NOVA2: variants seen among roughly 807,000 people sequenced by gnomAD.
NOVA2 encodes NOVA alternative splicing regulator 2, also known as RNA-binding protein Nova-2.
A neutral mutation model predicts 22.5 loss-of-function variants in NOVA2; 9 were observed. The ratio of observed to expected loss-of-function variants is 0.40; its 90% CI spans 0.24 to 0.70. NOVA2 has a LOEUF of 0.70. Among genes scored for constraint, NOVA2 ranks in the 30% least tolerant of loss-of-function variants. NOVA2 has a pLI of 0.38. For synonymous variants in NOVA2, 318 were observed against 335.2 expected (o/e 0.95, Z 0.56); for missense variants, 383 against 682.8 (o/e 0.56, Z 4.89).
intron 1 of NOVA2, among the ~76,000 whole-genome samples, chr19:45,971,095 T>G (rs1968227079): frequency 7.8e-6 from 1 of 128,034 alleles, no homozygotes; most frequent in South Asian, 2.6e-4. Context: ...TTCATTTTGC[T>G]GAGCCTCAGT....
chr19:45,957,628 C>CA lies in NOVA2; in HGVS notation c.229+3381dup, dbSNP rs1968024171. 1.3e-5 allele frequency among the ~76,000 whole-genome samples: 2 copies of CA among 151,208 alleles called. 1 individual carries two copies. The highest frequency in any genetic ancestry group is 4.2e-4 in the South Asian group (2 of 4,780). On this transcript the variant is annotated intron_variant, in intron 2 of 3. Coordinates refer to ENST00000263257, the MANE Select transcript of NOVA2 (RefSeq NM_002516.4). ...CTGAGGTGGGAGAATCACCTGAGCC[C>CA]AGGAGGTTGAGGTTGCAGCGAGCCA...
intron 1 of NOVA2, among the ~76,000 whole-genome samples, 167 bp from the exon 2 acceptor site, chr19:45,961,320 A>G (rs1048213041): frequency 6.6e-6 from 1 of 152,218 alleles, no homozygotes; most frequent in Non-Finnish European, 1.5e-5. Context: ...AGCACCTGCT[A>G]CGTGCCTGGC....
In NOVA2 at chr19:45,966,681, C is replaced by T. The variant is rs574744553; in HGVS notation, c.86-5528G>A. The stretch of plus-strand genomic sequence containing the variant: ...TCACCTGAGGTCAGAAGTTCGAGAC[C>T]AGCCTGACCAACATGGTAAAACCCC... On this transcript the variant is annotated intron_variant, in intron 1 of 3. Transcript: ENST00000263257. 2.6e-5 allele frequency among the ~76,000 whole-genome samples: 4 copies of T among 152,226 alleles called. No individual in the cohort carries two copies. The South Asian group carries it at 8.3e-4, about 32-fold the overall frequency.
chr19:45,964,587 C>CTCTCTCTCTT (rs1330929033), intron 1 of NOVA2, among the ~76,000 whole-genome samples: 1 of 151,674 alleles, frequency 6.6e-6, no homozygotes. Flanking sequence ...CTCTCTCTTT[C>CTCTCTCTCTT]TCTTTCTCTG....
chr19:45,958,465 T>C (rs937959573), intron 2 of NOVA2, among the ~76,000 whole-genome samples: 2 of 149,236 alleles, frequency 1.3e-5, no homozygotes, highest in African/African-American at 2.5e-5. Context: ...TGTGTAAGCG[T>C]GTGTGTGAGT....
intron 3 of NOVA2, among the ~76,000 whole-genome samples, chr19:45,950,527 A>G (rs1245963389): frequency 1.3e-5 from 2 of 152,224 alleles, no homozygotes; most frequent in East Asian, 1.9e-4. Context: ...CGCTAAGCCA[A>G]TGGCAGCTGC....
chr19:45,940,258 C>A lies in NOVA2; in HGVS notation c.1084G>T (p.Ala362Ser), dbSNP rs1423442653. ...GCCCCGGCCCCGAGGTAGCCGTTGG[C>A]GGCTGCGGCCAACGCAAAGGACCCC... ...ALGSFALAAA[A>S]NGYLGAGAGG... The change falls in exon 4 of 4, where the codon GCC becomes TCC. Residue 362 changes from alanine (A) to serine (S), a missense_variant. By Grantham distance (99) the Ala-to-Ser change is moderately conservative. Around this residue, in one of 2 missense-constraint regions of NOVA2, gnomAD observed 349 missense variants for 578.1 expected, o/e 0.60. Transcript: ENST00000263257. 1 of 1,091,310 alleles carries A rather than the reference C, an allele frequency of 9.2e-7. No individual in the cohort carries two copies. The highest frequency in any genetic ancestry group is 1.1e-6 in the Non-Finnish European group (1 of 901,892). The allele number at this position is 1,091,310 out of a possible 1,614,324, so 67.6% of individuals were successfully genotyped here.
At chr19:45,960,702 C>T (rs547751119) in intron 2 of NOVA2, among the ~76,000 whole-genome samples, 8 of 152,258 alleles carry the variant, frequency 5.3e-5, no homozygotes, top group African/African-American at 1.9e-4. Flanking sequence ...GCCTCCCTCC[C>T]CACCCTCGCT....
At chr19:45,947,042 A>G (rs77840376) in intron 3 of NOVA2, among the ~76,000 whole-genome samples, 1,668 of 152,220 alleles carry the variant, frequency 0.011, 36 homozygotes, top group African/African-American at 0.035. Flanking sequence ...AAAAAAATCT[A>G]TGCCCTAACA....
intron 3 of NOVA2, among the ~76,000 whole-genome samples, chr19:45,947,405 C>G (rs1967857432): frequency 6.6e-6 from 1 of 151,488 alleles, no homozygotes; most frequent in Admixed American, 6.6e-5. Flanking sequence ...GGCAGCCAAA[C>G]TAAGCCTGAT....
intron 2 of NOVA2, among the ~76,000 whole-genome samples, chr19:45,957,121 G>A (rs1968016304): frequency 6.7e-6 from 1 of 150,260 alleles, no homozygotes; most frequent in African/African-American, 2.4e-5. Flanking sequence ...GTTTTTTGAA[G>A]TGTGTGTGGT....
At chr19:45,952,173 A>G (rs1460666073) in intron 3 of NOVA2, among the ~76,000 whole-genome samples, 1 of 152,230 alleles carries the variant, frequency 6.6e-6, no homozygotes, top group Non-Finnish European at 1.5e-5. Context: ...CAAAAATCCC[A>G]TAATAACAAC....
chr19:45,941,517 C>T (rs1043359513), intron 3 of NOVA2, among the ~76,000 whole-genome samples: 2 of 151,892 alleles, frequency 1.3e-5, no homozygotes, highest in African/African-American at 4.8e-5. Context: ...AGGTCATTCC[C>T]TACCCCTCCT....
chr19:45,973,487 CG>C lies in NOVA2; in HGVS notation c.-137del. The C allele has an allele frequency of 8.0e-6, 1 of 124,264 alleles. No individual in the cohort carries two copies. Among genetic ancestry groups the C allele is most frequent in the Non-Finnish European group, 1.7e-5 (1 of 59,928 alleles). The allele number at this position is 124,264 out of a possible 1,614,324, so 7.7% of individuals were successfully genotyped here. A position where few individuals can be genotyped will look rare whatever the true frequency, so the allele number is the denominator to read the frequency against. ...GCGGCGGCGGGGGCGGCGGCGGCTG[CG>C]GGGCCGCGGAGGCCGTGAAGAGGCC... On this transcript the variant is annotated 5_prime_UTR_variant, in exon 1 of 4. Transcript: ENST00000263257.
At chr19:45,965,143 A>T (rs1367210752) in intron 1 of NOVA2, among the ~76,000 whole-genome samples, 1 of 152,000 alleles carries the variant, frequency 6.6e-6, no homozygotes, top group African/African-American at 2.4e-5. Flanking sequence ...CCTCACCCTA[A>T]ACTTGTCACA....
At chr19:45,964,173 CTTTTTCTTTTTTTTTTTTTT>C (rs1264663036) in intron 1 of NOVA2, among the ~76,000 whole-genome samples, 1 of 123,288 alleles carries the variant, frequency 8.1e-6, no homozygotes, top group Non-Finnish European at 1.6e-5. Context: ...TTTTCTTTTT[CTTTTTCTTTTTTTTTTTTTT>C]TTTTTGAGAC....
In NOVA2 at chr19:45,939,610, C is replaced by T; in HGVS notation, c.*253G>A. The T allele has an allele frequency of 1.8e-6, 1 of 548,576 alleles. No individual in the cohort carries two copies. Among genetic ancestry groups the T allele is most frequent in the Non-Finnish European group, 3.2e-6 (1 of 308,780 alleles). The allele number at this position is 548,576 out of a possible 1,614,324, so 34.0% of individuals were successfully genotyped here. On this transcript the variant is annotated 3_prime_UTR_variant, in exon 4 of 4. Transcript: ENST00000263257. ...GGGCCCTGGGACAGGAAGGGTCAGG[C>T]CCAGCCAAGCACAGGGAGGGAGGAA...
At chr19:45,955,437 G>A (rs565799225) in intron 2 of NOVA2, among the ~76,000 whole-genome samples, 4 of 152,294 alleles carry the variant, frequency 2.6e-5, no homozygotes, top group South Asian at 2.1e-4. Context: ...GAATTACAGC[G>A]AGACAAAGAA....
intron 1 of NOVA2, among the ~76,000 whole-genome samples, chr19:45,970,874 C>T (rs1968224148): frequency 6.6e-6 from 1 of 152,174 alleles, no homozygotes; most frequent in Non-Finnish European, 1.5e-5. Flanking sequence ...CCCTCTGCAT[C>T]TCCCGGCCTC....
Sources: gnomAD v4.1 joint callset for allele counts (sites outside exome capture counted in the v4.1 genomes callset) on GRCh38, gnomAD v4.1.1 for gene constraint, gnomAD v4.1.1 regional missense constraint, MANE v1.5 for transcripts, NCBI Gene and HGNC (gene_info 2026-07-23, HGNC 2026-07-21) for gene names.